DOCK2: variants seen among roughly 807,000 people sequenced by gnomAD.
The protein encoded by DOCK2 is dedicator of cytokinesis protein 2.
DOCK2 carries 87 observed loss-of-function variants against 248.9 expected under a neutral mutation model. The observed-to-expected ratio is 0.35, with a 90% CI of 0.29 to 0.42. The LOEUF is 0.42. DOCK2 is among the 10% of genes least tolerant of loss of function. DOCK2 has a pLI of 1.00. For synonymous variants in DOCK2, 805 were observed against 821.6 expected (o/e 0.98, Z 0.35); for missense variants, 1,747 against 2,300.2 (o/e 0.76, Z 4.92).
intron 22 of DOCK2, 45 bp downstream of exon 22, chr5:169,718,836 C>G (rs1017103200): frequency 6.3e-7 from 1 of 1,582,312 alleles, no homozygotes; most frequent in East Asian, 2.3e-5. Context: ...TCTGCAATTC[C>G]TCTGGGATAC....
intron 2 of DOCK2, among the ~76,000 whole-genome samples, chr5:169,666,182 C>T (rs562015315): frequency 6.6e-6 from 1 of 152,228 alleles, no homozygotes; most frequent in Admixed American, 6.5e-5. Flanking sequence ...CATAGCCTCT[C>T]ACATGGCAGA....
In DOCK2 at chr5:169,909,354, G is replaced by C. The variant is rs1293114039; in HGVS notation, c.2799+68502G>C. Among the ~76,000 whole-genome samples the C allele has an allele frequency of 2.0e-5, 3 of 152,204 alleles. No homozygotes were observed. The East Asian group carries it at 5.8e-4, about 29-fold the overall frequency. ...CTTTCTATTCAGTAGCACTGGATCAGAGTGATTAAGGAAATGAAATCAGTG... is the reference window on the plus strand; with the variant it reads ...CTTTCTATTCAGTAGCACTGGATCACAGTGATTAAGGAAATGAAATCAGTG... On this transcript the variant is annotated intron_variant, in intron 27 of 51. Transcript: ENST00000520908.
At chr5:170,079,978 G>T in intron 49 of DOCK2, 185 bp from the exon 50 acceptor site, 18 of 923,274 alleles carry the variant, frequency 1.9e-5, no homozygotes, top group Non-Finnish European at 2.4e-5. Context: ...TGTGTAGTGT[G>T]CAACCTGTGC....
intron 46 of DOCK2, among the ~76,000 whole-genome samples, chr5:170,069,831 C>T (rs1372251736): frequency 6.6e-6 from 1 of 152,138 alleles, no homozygotes; most frequent in East Asian, 1.9e-4. Context: ...CTTTGCATCC[C>T]TCTTCTTCCT....
intron 27 of DOCK2, chr5:169,883,265 G>T: frequency 6.4e-7 from 1 of 1,551,602 alleles, no homozygotes; most frequent in Non-Finnish European, 8.7e-7. Flanking sequence ...TCCCAGGAAG[G>T]ACTGTGATAA....
chr5:169,805,259 G>A (rs373300725), intron 26 of DOCK2, among the ~76,000 whole-genome samples: 2 of 151,254 alleles, frequency 1.3e-5, no homozygotes, highest in Middle Eastern at 3.4e-3. Flanking sequence ...GAAATTTGCC[G>A]GGTGTGGTGG....
intron 27 of DOCK2, among the ~76,000 whole-genome samples, chr5:169,960,585 AAT>A: frequency 6.6e-6 from 1 of 152,332 alleles, no homozygotes; most frequent in African/African-American, 2.4e-5. Context: ...TATCACTTAA[AAT>A]GACCAATAAT....
At chr5:169,775,934 C>T (rs1721091376) in intron 25 of DOCK2, among the ~76,000 whole-genome samples, 1 of 151,708 alleles carries the variant, frequency 6.6e-6, no homozygotes, top group African/African-American at 2.4e-5. Context: ...CACACCGAGA[C>T]CTCTGCTAGG....
chr5:169,933,237 G>A (rs1289969339), intron 27 of DOCK2, among the ~76,000 whole-genome samples: 1 of 152,236 alleles, frequency 6.6e-6, no homozygotes, highest in African/African-American at 2.4e-5. Flanking sequence ...TTTACTAGTA[G>A]CTTCCCCTAC....
intron 26 of DOCK2, among the ~76,000 whole-genome samples, chr5:169,831,216 C>CAAAA (rs5873194): frequency 1.3e-5 from 2 of 150,278 alleles, no homozygotes; most frequent in Non-Finnish European, 1.5e-5. Flanking sequence ...AATAAATTTT[C>CAAAA]AAAAAAAAAA....
At chr5:169,879,117 CT>C (rs1772492375) in intron 27 of DOCK2, among the ~76,000 whole-genome samples, 1 of 152,172 alleles carries the variant, frequency 6.6e-6, no homozygotes, top group Admixed American at 6.5e-5. Flanking sequence ...GGAAATACCA[CT>C]TAGGAAACCG....
chr5:169,958,251 A>G (rs1027204692), intron 27 of DOCK2, among the ~76,000 whole-genome samples: 4 of 152,044 alleles, frequency 2.6e-5, no homozygotes, highest in African/African-American at 9.7e-5. Context: ...CACCTACCCC[A>G]TTTATACTTT....
At chr5:169,966,759 G>A (rs1382543249) in intron 27 of DOCK2, among the ~76,000 whole-genome samples, 1 of 152,102 alleles carries the variant, frequency 6.6e-6, no homozygotes, top group Non-Finnish European at 1.5e-5. Context: ...GGAAAATGAG[G>A]CCGGAAAGAA....
At chr5:169,856,049 T>C (rs1043161632) in intron 27 of DOCK2, among the ~76,000 whole-genome samples, 1 of 151,882 alleles carries the variant, frequency 6.6e-6, no homozygotes, top group Non-Finnish European at 1.5e-5. Flanking sequence ...AACCATCAGA[T>C]CTCATGAGAT....
intron 27 of DOCK2, among the ~76,000 whole-genome samples, chr5:169,961,977 C>CA (rs1777104421): frequency 9.6e-6 from 1 of 104,036 alleles, no homozygotes; most frequent in Admixed American, 1.0e-4. Context: ...AGACTCTGTC[C>CA]CAAAAAAAAA....
intron 51 of DOCK2, among the ~76,000 whole-genome samples, chr5:170,082,316 C>T (rs1758062738): frequency 6.6e-6 from 1 of 152,180 alleles, no homozygotes; most frequent in South Asian, 2.1e-4. Flanking sequence ...CAAAATCCTA[C>T]AAATTGAACA....
chr5:170,015,357 AG>A lies in DOCK2; in HGVS notation c.3233-3602del, dbSNP rs551440140. Among the ~76,000 whole-genome samples, 188 of 152,170 alleles carry A rather than the reference AG, an allele frequency of 1.2e-3. 1 individual carries two copies. Among genetic ancestry groups the A allele is most frequent in the Non-Finnish European group, 2.1e-3 (141 of 68,018 alleles). ...CAATACCACACAACCAGGGAGTGGC[AG>A]TGGCAGGACCTGACCCAGGCTGTCA... is the stretch of plus-strand genomic sequence containing the variant. On this transcript the variant is annotated intron_variant, in intron 32 of 51. Coordinates refer to ENST00000520908, the MANE Select transcript of DOCK2 (RefSeq NM_004946.3).
chr5:169,935,419 C>T (rs1364845169), intron 27 of DOCK2, among the ~76,000 whole-genome samples: 1 of 152,148 alleles, frequency 6.6e-6, no homozygotes, highest in Non-Finnish European at 1.5e-5. Flanking sequence ...TTCTTGTGTG[C>T]TAAGTCACCA....
At position 169,961,978 on chromosome 5, in the gene DOCK2, C is replaced by CAAA. The variant is rs70979150; in HGVS notation, c.2800-21075_2800-21073dup. Among the ~76,000 whole-genome samples the CAAA allele has an allele frequency of 3.1e-4, 23 of 74,636 alleles. 1 individual carries two copies. The highest frequency in any genetic ancestry group is 8.1e-4 in the African/African-American group (12 of 14,776). 49.0% of individuals were successfully genotyped at this position (74,636 alleles called of 152,430 possible). Reference sequence around the variant, plus strand: ...TGGGTGAAAAAGTGAGACTCTGTCCCAAAAAAAAAAAAAAAAATGGAGAAA... The same window carrying CAAA: ...TGGGTGAAAAAGTGAGACTCTGTCCCAAAAAAAAAAAAAAAAAAAATGGAGAAA... On this transcript the variant is annotated intron_variant, in intron 27 of 51. Transcript: ENST00000520908.
Sources: gnomAD v4.1 joint callset for allele counts (sites outside exome capture counted in the v4.1 genomes callset) on GRCh38, gnomAD v4.1.1 for gene constraint, MANE v1.5 for transcripts, NCBI Gene and HGNC (gene_info 2026-07-23, HGNC 2026-07-21) for gene names.